The following IL33 variants were observed in gnomAD, a reference collection of about 807,000 sequenced individuals.
The protein encoded by IL33 is interleukin-33.
A neutral mutation model predicts 27.3 loss-of-function variants in IL33; 37 were observed. That is an observed-to-expected ratio of 1.36 (90% CI 1.04 to 1.78). The LOEUF is 1.78. IL33 is among the 40% of genes most tolerant of loss of function. IL33 has a pLI of 0.00. For missense variants in IL33, 406 were observed against 311.4 expected (o/e 1.30, Z -2.29); for synonymous variants, 132 against 102.9 (o/e 1.28, Z -1.71).
intron 1 of IL33, among the ~76,000 whole-genome samples, chr9:6,236,649 C>T (rs761100459): frequency 5.9e-5 from 9 of 152,208 alleles, no homozygotes; most frequent in Non-Finnish European, 1.5e-5. Flanking sequence ...AGGAGGATCA[C>T]TTGCGGTCAG....
chr9:6,231,281 G>C (rs1054720854), intron 1 of IL33, among the ~76,000 whole-genome samples: 9 of 152,182 alleles, frequency 5.9e-5, no homozygotes, highest in Non-Finnish European at 1.0e-4. Flanking sequence ...TTGGCCTCCA[G>C]GGCCCAGCCC....
intron 1 of IL33, among the ~76,000 whole-genome samples, chr9:6,227,875 G>C (rs1156575408): frequency 6.6e-6 from 1 of 152,122 alleles, no homozygotes; most frequent in Non-Finnish European, 1.5e-5. Flanking sequence ...TGCTCTGGAT[G>C]CAGGGGCTAG....
intron 1 of IL33, among the ~76,000 whole-genome samples, chr9:6,219,259 G>A (rs888569936): frequency 5.9e-5 from 9 of 151,916 alleles, no homozygotes; most frequent in African/African-American, 7.2e-5. Flanking sequence ...TAATCTCTTC[G>A]GTTTCCTGTA....
At chr9:6,217,958 A>G (rs957029477) in intron 1 of IL33, among the ~76,000 whole-genome samples, 3 of 146,868 alleles carry the variant, frequency 2.0e-5, no homozygotes, top group Non-Finnish European at 4.6e-5. Flanking sequence ...ACTGTTTCCA[A>G]CAGTCTTACT....
intron 1 of IL33, among the ~76,000 whole-genome samples, chr9:6,234,990 GT>G (rs1266675379): frequency 3.9e-5 from 6 of 152,058 alleles, no homozygotes; most frequent in Admixed American, 2.0e-4. Flanking sequence ...TGTAGTTGTG[GT>G]ATGTATTTGG....
intron 1 of IL33, among the ~76,000 whole-genome samples, chr9:6,230,319 C>A (rs1478342625): frequency 6.6e-6 from 1 of 152,116 alleles, no homozygotes; most frequent in Non-Finnish European, 1.5e-5. Context: ...TATTTCCTTT[C>A]CCTAGGAGAA....
At chr9:6,215,273 G>A (rs1463478792), upstream of IL33, among the ~76,000 whole-genome samples, 2 of 152,182 alleles carry the variant, frequency 1.3e-5, no homozygotes, top group Non-Finnish European at 2.9e-5. Flanking sequence ...TATCTTCTGC[G>A]AGATTTTTGA....
intron 1 of IL33, among the ~76,000 whole-genome samples, chr9:6,238,581 C>T (rs1042322194): frequency 1.3e-5 from 2 of 152,116 alleles, no homozygotes; most frequent in African/African-American, 4.8e-5. Context: ...TAAAGTTTAC[C>T]TTCTAACGAG....
intron 1 of IL33, among the ~76,000 whole-genome samples, chr9:6,222,579 T>A (rs1464809265): frequency 6.6e-6 from 1 of 152,154 alleles, no homozygotes; most frequent in Non-Finnish European, 1.5e-5. Context: ...ATCTCAAACA[T>A]GAGAAAAAAA....
chr9:6,217,113 G>A (rs181102662), intron 1 of IL33, among the ~76,000 whole-genome samples: 5 of 152,234 alleles, frequency 3.3e-5, no homozygotes, highest in East Asian at 3.9e-4. Context: ...AATGGTCCTC[G>A]TGTATGCACT....
intron 1 of IL33, among the ~76,000 whole-genome samples, chr9:6,221,408 CT>C (rs998768964): frequency 6.6e-6 from 1 of 152,178 alleles, no homozygotes; most frequent in African/African-American, 2.4e-5. Context: ...ATGCTTACAT[CT>C]GGCTGTCCAA....
Position 6,254,532 on chromosome 9 carries a change from C to A in IL33, c.591C>A (p.Asn197Lys). The change falls in exon 7 of 8, where the codon AAC becomes AAA. Residue 197 changes from asparagine to lysine, a missense_variant. Physicochemically the swap from Asn to Lys is moderately conservative, Grantham distance 94. Coordinates refer to ENST00000682010, the MANE Select transcript of IL33 (RefSeq NM_033439.4). ...CAAAAGACTTCTGGTTGCATGCCAA[C>A]AACAAGGAACACTCTGTGGAGGTAA... ...SPTKDFWLHA[N>K]NKEHSVELHK... 2 of 1,588,726 alleles carry A rather than the reference C, an allele frequency of 1.3e-6. No individual in the cohort carries two copies. The highest frequency in any genetic ancestry group is 2.3e-5 in the South Asian group (2 of 86,374).
At chr9:6,240,012 A>G (rs893765358) in intron 1 of IL33, among the ~76,000 whole-genome samples, 19 of 152,182 alleles carry the variant, frequency 1.2e-4, no homozygotes. Context: ...TTTCCCCTAC[A>G]GTCAAAACCA....
chr9:6,220,441 A>G (rs945810753), intron 1 of IL33, among the ~76,000 whole-genome samples: 4 of 152,140 alleles, frequency 2.6e-5, no homozygotes, highest in African/African-American at 9.7e-5. Context: ...AATCTCAGCC[A>G]CTCTAACTTC....
At position 6,229,672 on chromosome 9, in the gene IL33, T is replaced by C. The variant is rs535904644; in HGVS notation, c.-11-12012T>C. Among the ~76,000 whole-genome samples, 8 of 152,296 alleles carry C rather than the reference T, an allele frequency of 5.3e-5. No individual in the cohort carries two copies. In the South Asian group the frequency reaches 6.2e-4, roughly 12 times the overall value. ...GATGATGCCTGCCTTACTTAGTTTA[T>C]AGGGTTTCTGTAAGCACTGATCCAA... On this transcript the variant is annotated intron_variant, in intron 1 of 7. Transcript: ENST00000682010.
chr9:6,230,224 C>T (rs1489045927), intron 1 of IL33, among the ~76,000 whole-genome samples: 1 of 152,126 alleles, frequency 6.6e-6, no homozygotes, highest in Non-Finnish European at 1.5e-5. Context: ...AACAAAGCTT[C>T]CCTAAAATCT....
intron 1 of IL33, among the ~76,000 whole-genome samples, chr9:6,223,230 A>T (rs1245268427): frequency 1.3e-5 from 2 of 152,162 alleles, no homozygotes; most frequent in Admixed American, 6.6e-5. Flanking sequence ...GACTTAAGGC[A>T]TGATTTACAT....
chr9:6,249,670 G>A (rs1038197645), intron 2 of IL33, among the ~76,000 whole-genome samples: 15 of 152,126 alleles, frequency 9.9e-5, no homozygotes, highest in Non-Finnish European at 2.2e-4. Context: ...AGTGGATGGT[G>A]GTGGAAAGAA....
chr9:6,241,605 G>T, intron 1 of IL33, 79 bp from the exon 2 acceptor site: 1 of 727,444 alleles, frequency 1.4e-6, no homozygotes, highest in Admixed American at 2.7e-5. Flanking sequence ...TTACCAATTT[G>T]GTAGTGAGCT....
Sources: gnomAD v4.1 joint callset for allele counts (sites outside exome capture counted in the v4.1 genomes callset) on GRCh38, gnomAD v4.1.1 for gene constraint, MANE v1.5 for transcripts, NCBI Gene and HGNC (gene_info 2026-07-23, HGNC 2026-07-21) for gene names.